Variants in PKP4 observed in about 807,000 individuals in gnomAD.
The protein encoded by PKP4 is plakophilin-4.
Under a neutral mutation model 145.1 loss-of-function variants are expected in PKP4, and 90 were observed. That is an observed-to-expected ratio of 0.62 (90% confidence interval 0.52 to 0.74). The LOEUF is 0.74. Among genes scored for constraint, PKP4 ranks in the 30% least tolerant of loss-of-function variants. The pLI, the probability that PKP4 is intolerant of heterozygous loss-of-function variation, is 0.00. For missense variants in PKP4, 1,340 were observed against 1,482.7 expected (o/e 0.90, Z 1.58); for synonymous variants, 563 against 577.2 (o/e 0.98, Z 0.35).
intron 7 of PKP4, among the ~76,000 whole-genome samples, chr2:158,626,550 G>C (rs980627338): frequency 6.6e-6 from 1 of 152,190 alleles, no homozygotes; most frequent in African/African-American, 2.4e-5. Context: ...CAAAATATAT[G>C]TGTATTTTTA....
In PKP4 at chr2:158,554,668, G is replaced by A. The variant is rs555873760; in HGVS notation, c.132+21352G>A. Among the ~76,000 whole-genome samples, 9 of 152,136 alleles carry A rather than the reference G, an allele frequency of 5.9e-5. No homozygotes were observed. The South Asian group carries it at 1.0e-3, about 18-fold the overall frequency. On this transcript the variant is annotated intron_variant, in intron 2 of 21. Transcript: ENST00000389759. Reference sequence around the variant, plus strand: ...TCTCGATCTCCTGACCTCGTGATCCGCCTGCGTCAGCCTCCCAAAGTGCTG... The same window carrying A: ...TCTCGATCTCCTGACCTCGTGATCCACCTGCGTCAGCCTCCCAAAGTGCTG...
At chr2:158,621,478 G>C in intron 6 of PKP4, 57 bp downstream of exon 6, 1 of 1,434,092 alleles carries the variant, frequency 7.0e-7, no homozygotes, top group South Asian at 1.2e-5. Context: ...GGGCACAGTG[G>C]CTCATGCCTG....
At chr2:158,520,641 A>G (rs755044652) in intron 1 of PKP4, among the ~76,000 whole-genome samples, 8 of 152,214 alleles carry the variant, frequency 5.3e-5, no homozygotes, top group Non-Finnish European at 8.8e-5. Flanking sequence ...AAGCACATCT[A>G]TGTAAGTGCC....
chr2:158,561,171 G>A lies in PKP4; in HGVS notation c.133-16100G>A, dbSNP rs77034639. The stretch of plus-strand genomic sequence containing the variant: ...ATCTTACTGGAACACAGGCACACTC[G>A]TCATTTATGTTTATGGCTGCTTTTG... On this transcript the variant is annotated intron_variant, in intron 2 of 21. Transcript: ENST00000389759. 8.2e-3 allele frequency among the ~76,000 whole-genome samples: 1,241 copies of A among 152,244 alleles called. 21 individuals carry two copies. Among genetic ancestry groups the A allele is most frequent in the African/African-American group, 0.028 (1,181 of 41,538 alleles).
intron 1 of PKP4, among the ~76,000 whole-genome samples, chr2:158,501,647 C>T (rs1454311037): frequency 7.4e-6 from 1 of 135,228 alleles, no homozygotes; most frequent in Admixed American, 8.0e-5. Context: ...CCTGCCATGC[C>T]ATCTGATGTT....
chr2:158,522,370 A>G (rs2042453267), intron 1 of PKP4, among the ~76,000 whole-genome samples: 2 of 152,264 alleles, frequency 1.3e-5, no homozygotes, highest in Admixed American at 1.3e-4. Flanking sequence ...AAGTCATACT[A>G]GAGTATATGT....
intron 2 of PKP4, among the ~76,000 whole-genome samples, chr2:158,551,488 C>G (rs574214080): frequency 2.6e-5 from 4 of 152,230 alleles, no homozygotes; most frequent in Non-Finnish European, 5.9e-5. Flanking sequence ...CAATCACCCT[C>G]GCCCTTCCTC....
chr2:158,468,999 G>A (rs1208432093), intron 1 of PKP4, among the ~76,000 whole-genome samples: 7 of 151,636 alleles, frequency 4.6e-5, no homozygotes, highest in African/African-American at 1.5e-4. Context: ...GACTGGTCTC[G>A]AACTCCTGGC....
At chr2:158,583,320 TC>T (rs1011840664) in intron 3 of PKP4, among the ~76,000 whole-genome samples, 9 of 152,128 alleles carry the variant, frequency 5.9e-5, no homozygotes, top group African/African-American at 2.2e-4. Flanking sequence ...TATCTACTCC[TC>T]CCTAGGACTT....
At chr2:158,493,914 G>A (rs1420326285) in intron 1 of PKP4, among the ~76,000 whole-genome samples, 3 of 152,024 alleles carry the variant, frequency 2.0e-5, no homozygotes, top group Admixed American at 2.0e-4. Flanking sequence ...ATTCTCCAGT[G>A]TGATTATTGA....
At chr2:158,658,447 G>A (rs1460288771) in intron 12 of PKP4, 133 bp downstream of exon 12, 1 of 583,690 alleles carries the variant, frequency 1.7e-6, no homozygotes, top group Non-Finnish European at 2.9e-6. Context: ...TTAGGCCACT[G>A]GACTTTGTTA....
At chr2:158,490,598 G>A (rs1379601564) in intron 1 of PKP4, among the ~76,000 whole-genome samples, 1 of 152,214 alleles carries the variant, frequency 6.6e-6, no homozygotes, top group Non-Finnish European at 1.5e-5. Flanking sequence ...GGATAAGCAG[G>A]CATTTTTCTG....
At chr2:158,557,275 A>G (rs1386866430) in intron 2 of PKP4, among the ~76,000 whole-genome samples, 2 of 151,042 alleles carry the variant, frequency 1.3e-5, no homozygotes, top group Non-Finnish European at 3.0e-5. Flanking sequence ...TACTATTATC[A>G]TGATACCTTA....
At chr2:158,657,744 A>G (rs2056129617) in intron 11 of PKP4, among the ~76,000 whole-genome samples, 1 of 152,230 alleles carries the variant, frequency 6.6e-6, no homozygotes. Flanking sequence ...TTAAATGTAA[A>G]ATACAATGCA....
chr2:158,532,280 A>G (rs1002538895), intron 1 of PKP4, among the ~76,000 whole-genome samples: 4 of 152,232 alleles, frequency 2.6e-5, no homozygotes, highest in African/African-American at 9.6e-5. Context: ...CTAAACAGAT[A>G]GGGTCTCTCG....
chr2:158,533,293 A>G lies in PKP4; in HGVS notation c.109A>G (p.Ile37Val). The change falls in exon 2 of 22, where the codon ATT becomes GTT. Residue 37 changes from isoleucine to valine, a missense_variant. Coordinates refer to ENST00000389759, the MANE Select transcript of PKP4 (RefSeq NM_003628.6). ...GGAACCCGAGACCACAGCCACCACT[A>G]TTCTAGCATCCGTGAAGGAGCAGGT... ...GMEPETTATT[I>V]LASVKEQELQ... is the part of the protein sequence containing the mutation. 1 of 1,614,192 alleles carries G rather than the reference A, an allele frequency of 6.2e-7. No homozygotes were observed. Among genetic ancestry groups the G allele is most frequent in the Non-Finnish European group, 8.5e-7 (1 of 1,180,020 alleles).
Position 158,621,256 on chromosome 2 carries a change from A to G in PKP4, c.438A>G (p.Ser146=). 7 of 1,614,220 alleles carry G rather than the reference A, an allele frequency of 4.3e-6. No homozygotes were observed. The highest frequency in any genetic ancestry group is 5.9e-6 in the Non-Finnish European group (7 of 1,180,012). Residue 146 remains serine, a synonymous_variant, in exon 6 of 22, where the codon TCA becomes TCG. Transcript: ENST00000389759. ...SEGSLGNSRS[S]TQMNSYSDSG... is the part of the protein sequence containing the mutation. ...GATCATTGGGTAACTCAAGAAGTTC[A>G]ACACAAATGAATTCTTATTCCGACA...
At chr2:158,518,364 T>G (rs1180702563) in intron 1 of PKP4, among the ~76,000 whole-genome samples, 1 of 152,214 alleles carries the variant, frequency 6.6e-6, no homozygotes, top group African/African-American at 2.4e-5. Flanking sequence ...ATCTGCCACA[T>G]TCTGTGATCA....
At chr2:158,571,496 T>C (rs1456062801) in intron 2 of PKP4, among the ~76,000 whole-genome samples, 2 of 152,120 alleles carry the variant, frequency 1.3e-5, no homozygotes, top group Non-Finnish European at 2.9e-5. Context: ...TTGAGGCACC[T>C]TGGGTTTGGG....
Sources: gnomAD v4.1 joint callset for allele counts (sites outside exome capture counted in the v4.1 genomes callset) on GRCh38, gnomAD v4.1.1 for gene constraint, MANE v1.5 for transcripts, NCBI Gene and HGNC (gene_info 2026-07-23, HGNC 2026-07-21) for gene names.